The following NUBPL variants were observed in gnomAD, a reference collection of about 807,000 sequenced individuals.
NUBPL encodes the protein NUBP iron-sulfur cluster assembly factor, mitochondrial.
A neutral mutation model predicts 45.7 loss-of-function variants in NUBPL; 31 were observed. The observed-to-expected ratio is 0.68, with a 90% CI of 0.51 to 0.92. The LOEUF is 0.92. Ranked by LOEUF, NUBPL falls within the 40% of genes least tolerant of loss-of-function variation. The pLI is 0.00. For missense variants in NUBPL, 401 were observed against 398.7 expected, an observed-to-expected ratio of 1.01 and a Z score of -0.05; for synonymous variants, 144 against 140.9, an observed-to-expected ratio of 1.02 and a Z score of -0.15.
intron 6 of NUBPL, among the ~76,000 whole-genome samples, chr14:31,678,942 G>A (rs1325677499): frequency 6.6e-6 from 1 of 152,170 alleles, no homozygotes; most frequent in East Asian, 1.9e-4. Context: ...GTGGTGTTGA[G>A]GCTTGCTGGA....
chr14:31,585,918 T>C (rs1225029352), intron 3 of NUBPL, among the ~76,000 whole-genome samples: 1 of 152,252 alleles, frequency 6.6e-6, no homozygotes, highest in African/African-American at 2.4e-5. Context: ...GTAAGTATTT[T>C]CAGCATTTTG....
chr14:31,729,601 C>G (rs986894610), intron 6 of NUBPL, among the ~76,000 whole-genome samples: 4 of 151,814 alleles, frequency 2.6e-5, no homozygotes, highest in Non-Finnish European at 5.9e-5. Context: ...AATCTTTTTG[C>G]CTTTATATGT....
intron 4 of NUBPL, among the ~76,000 whole-genome samples, chr14:31,652,692 C>T (rs764892715): frequency 2.0e-5 from 3 of 151,980 alleles, no homozygotes; most frequent in Admixed American, 6.6e-5. Flanking sequence ...ATTTATAAAA[C>T]CATCAAGTTT....
chr14:31,767,947 C>G (rs962655078), intron 6 of NUBPL, among the ~76,000 whole-genome samples: 5 of 152,174 alleles, frequency 3.3e-5, no homozygotes, highest in Non-Finnish European at 7.3e-5. Flanking sequence ...AGCTAACTCC[C>G]TGAATATTCA....
At chr14:31,713,391 T>C (rs868176188) in intron 6 of NUBPL, among the ~76,000 whole-genome samples, 1 of 146,440 alleles carries the variant, frequency 6.8e-6, no homozygotes, top group Middle Eastern at 3.4e-3. Flanking sequence ...TTCATTTTTT[T>C]CCTAACATGT....
At chr14:31,578,666 C>T (rs939051841) in intron 3 of NUBPL, among the ~76,000 whole-genome samples, 1 of 152,184 alleles carries the variant, frequency 6.6e-6, no homozygotes. Context: ...TTAACCACAT[C>T]AACTAATTTT....
intron 1 of NUBPL, 71 bp downstream of exon 1, chr14:31,561,618 C>T (rs1300480155): frequency 5.8e-6 from 6 of 1,035,462 alleles, no homozygotes; most frequent in East Asian, 6.0e-5. Context: ...GATGCCCTGG[C>T]ATTGCTTCTT....
intron 4 of NUBPL, among the ~76,000 whole-genome samples, chr14:31,632,011 T>A (rs553189612): frequency 1.3e-5 from 2 of 152,274 alleles, no homozygotes; most frequent in East Asian, 3.9e-4. Context: ...TAATAATGAA[T>A]CAGTACCTGT....
At chr14:31,793,168 C>T (rs1311078940) in intron 7 of NUBPL, among the ~76,000 whole-genome samples, 1 of 151,914 alleles carries the variant, frequency 6.6e-6, no homozygotes, top group Non-Finnish European at 1.5e-5. Context: ...AATTTGATCT[C>T]TCTCTCCTTC....
At chr14:31,712,431 C>T (rs747804853) in intron 6 of NUBPL, among the ~76,000 whole-genome samples, 22 of 152,212 alleles carry the variant, frequency 1.4e-4, no homozygotes, top group Non-Finnish European at 2.1e-4. Flanking sequence ...GCGCCCAGTG[C>T]GGGGCCTGTG....
chr14:31,700,438 C>A (rs1295177079), intron 6 of NUBPL, among the ~76,000 whole-genome samples: 1 of 152,202 alleles, frequency 6.6e-6, no homozygotes, highest in Non-Finnish European at 1.5e-5. Context: ...AGCGCCTACT[C>A]TGGCCATGCT....
chr14:31,563,291 T>C (rs923880687), intron 2 of NUBPL, among the ~76,000 whole-genome samples: 1 of 152,220 alleles, frequency 6.6e-6, no homozygotes, highest in Non-Finnish European at 1.5e-5. Context: ...CCATAAGTTC[T>C]TTGCGTTTTG....
rs112732018 is a variant in NUBPL, at chr14:31,667,974, T to C, written c.383-5381T>C. Reference sequence around the variant, plus strand: ...CCAGATGCCAGCTGGAGCTGTCCTGTATGAGGTGTCTGTCAACTCCTGCTG... The same window carrying C: ...CCAGATGCCAGCTGGAGCTGTCCTGCATGAGGTGTCTGTCAACTCCTGCTG... On this transcript the variant is annotated intron_variant, in intron 4 of 10. Coordinates refer to ENST00000281081, the MANE Select transcript of NUBPL (RefSeq NM_025152.3). 3.9e-4 allele frequency: 60 copies of C among 153,392 alleles called. 1 individual carries two copies. The highest frequency in any genetic ancestry group is 1.3e-3 in the African/African-American group (52 of 41,568). 9.5% of individuals were successfully genotyped at this position (153,392 alleles called of 1,614,324 possible).
chr14:31,813,438 TACACACACACACACAC>T (rs34598831), intron 7 of NUBPL, among the ~76,000 whole-genome samples: 1 of 148,202 alleles, frequency 6.7e-6, no homozygotes, highest in Non-Finnish European at 1.5e-5. Context: ...TTTTTTGCTA[TACACACACACACACAC>T]ACACACACAC....
At chr14:31,803,904 C>T (rs1386308763) in intron 7 of NUBPL, among the ~76,000 whole-genome samples, 2 of 152,106 alleles carry the variant, frequency 1.3e-5, no homozygotes, top group Non-Finnish European at 2.9e-5. Context: ...TGCTTTCTAT[C>T]TTTCTTTTCT....
rs560874695 is a variant in NUBPL, at chr14:31,790,021, C to G, written c.607+2148C>G. Among the ~76,000 whole-genome samples, 90 of 151,582 alleles carry G rather than the reference C, an allele frequency of 5.9e-4. 1 individual carries two copies. The South Asian group carries it at 0.018, about 30-fold the overall frequency. ...TTTTAAAAAAATGTGCTTCTGATAC[C>G]TTGGAATGCCTTTTGCAAGCATACA... On this transcript the variant is annotated intron_variant, in intron 7 of 10. Transcript: ENST00000281081.
intron 4 of NUBPL, among the ~76,000 whole-genome samples, chr14:31,601,596 C>T (rs1211463733): frequency 2.6e-5 from 4 of 152,156 alleles, no homozygotes; most frequent in African/African-American, 9.7e-5. Context: ...ACAGACACTT[C>T]TCAAAAGAAG....
intron 4 of NUBPL, among the ~76,000 whole-genome samples, chr14:31,653,660 T>C (rs1186199217): frequency 6.6e-6 from 1 of 152,196 alleles, no homozygotes; most frequent in Non-Finnish European, 1.5e-5. Flanking sequence ...TTACAGTCAA[T>C]TTGTACAATA....
At chr14:31,734,945 TC>T (rs2038133306) in intron 6 of NUBPL, among the ~76,000 whole-genome samples, 1 of 152,166 alleles carries the variant, frequency 6.6e-6, no homozygotes, top group East Asian at 1.9e-4. Flanking sequence ...AGTTTTATAG[TC>T]CCTACCATGC....
Sources: allele counts gnomAD v4.1 joint callset (sites outside exome capture counted in the v4.1 genomes callset), GRCh38; gene constraint gnomAD v4.1.1; transcripts MANE v1.5; gene names NCBI Gene and HGNC (gene_info 2026-07-23, HGNC 2026-07-21).